Variants in FBXL7 observed in about 807,000 individuals in gnomAD.
FBXL7 encodes the protein F-box/LRR-repeat protein 7.
In FBXL7, 12 loss-of-function variants were observed where a neutral mutation model predicts 38.3. The ratio of observed to expected loss-of-function variants is 0.31; its 90% CI spans 0.20 to 0.51. The LOEUF (loss-of-function observed/expected upper bound fraction) is 0.51, where lower values mean the gene tolerates loss of function less well. FBXL7 is among the 20% of genes least tolerant of loss of function. FBXL7 has a pLI of 0.98. For missense variants in FBXL7, 567 were observed against 676.4 expected, an observed-to-expected ratio of 0.84 and a Z score of 1.79; for synonymous variants, 297 against 300.9, an observed-to-expected ratio of 0.99 and a Z score of 0.13.
chr5:15,505,834 C>A (rs1649199209), intron 1 of FBXL7, among the ~76,000 whole-genome samples: 1 of 152,126 alleles, frequency 6.6e-6, no homozygotes, highest in Admixed American at 6.5e-5. Context: ...ATTCAAGTGT[C>A]CCCCACATCC....
At chr5:15,737,386 A>G (rs1320077966) in intron 2 of FBXL7, among the ~76,000 whole-genome samples, 1 of 152,218 alleles carries the variant, frequency 6.6e-6, no homozygotes, top group Non-Finnish European at 1.5e-5. Flanking sequence ...TCAGATCTAT[A>G]AAATTACAAA....
intron 2 of FBXL7, among the ~76,000 whole-genome samples, chr5:15,897,816 G>GT (rs1561180793): frequency 6.6e-6 from 1 of 152,168 alleles, no homozygotes; most frequent in African/African-American, 2.4e-5. Flanking sequence ...AAGATGTTGC[G>GT]TAAGGGATCA....
intron 2 of FBXL7, among the ~76,000 whole-genome samples, chr5:15,884,041 T>C (rs554783174): frequency 1.3e-5 from 2 of 152,242 alleles, no homozygotes; most frequent in South Asian, 2.1e-4. Context: ...ACACACTTAA[T>C]AGAAATTTAC....
chr5:15,793,809 A>G (rs2126733761), intron 2 of FBXL7, among the ~76,000 whole-genome samples: 1 of 152,172 alleles, frequency 6.6e-6, no homozygotes, highest in African/African-American at 2.4e-5. Context: ...TGAATTTGAT[A>G]TCTGCCCTGA....
chr5:15,700,039 A>G (rs1743473341), intron 2 of FBXL7, among the ~76,000 whole-genome samples: 1 of 152,214 alleles, frequency 6.6e-6, no homozygotes, highest in Non-Finnish European at 1.5e-5. Context: ...TTTTAAGGAA[A>G]ACTAAAGCTC....
Position 15,937,266 on chromosome 5 carries a change from C to T in FBXL7, c.*80C>T, listed in dbSNP as rs1217350237. 1 of 1,415,320 alleles carries T rather than the reference C, an allele frequency of 7.1e-7. No homozygotes were observed. Among genetic ancestry groups the T allele is most frequent in the Non-Finnish European group, 9.3e-7 (1 of 1,077,086 alleles). 87.7% of individuals were successfully genotyped at this position (1,415,320 alleles called of 1,614,324 possible). A position where few individuals can be genotyped will look rare whatever the true frequency, so the allele number is the denominator to read the frequency against. ...TTTTAAAAGCAGCGTATGTAAGCAC[C>T]GACACCCACTCAAAACAGCTCTTTC... On this transcript the variant is annotated 3_prime_UTR_variant, in exon 4 of 4. Transcript: ENST00000504595.
At chr5:15,643,981 C>T (rs1009960631) in intron 2 of FBXL7, among the ~76,000 whole-genome samples, 6 of 152,086 alleles carry the variant, frequency 3.9e-5, no homozygotes, top group Non-Finnish European at 7.4e-5. Context: ...TGTTTTGGCA[C>T]TTCGTACTTT....
intron 2 of FBXL7, among the ~76,000 whole-genome samples, chr5:15,711,964 T>A (rs897983541): frequency 2.0e-5 from 3 of 152,142 alleles, no homozygotes; most frequent in Admixed American, 6.5e-5. Context: ...AATAAATAGC[T>A]TATATAAATG....
At chr5:15,646,150 T>C (rs1741527750) in intron 2 of FBXL7, among the ~76,000 whole-genome samples, 1 of 152,212 alleles carries the variant, frequency 6.6e-6, no homozygotes, top group Non-Finnish European at 1.5e-5. Context: ...AAATTGAATA[T>C]ATTAGTTTGG....
Position 15,761,664 on chromosome 5 carries a change from C to T in FBXL7, c.127+145592C>T, listed in dbSNP as rs560131163. Among the ~76,000 whole-genome samples the T allele has an allele frequency of 7.6e-4, 116 of 152,284 alleles. 1 individual carries two copies. Among genetic ancestry groups the T allele is most frequent in the Middle Eastern group, 3.4e-3 (1 of 294 alleles). ...GCTCAGGTGATTCTCCCACCTCAGC[C>T]TCCCAAGTAGCTGGGACTGTAGGTG... On this transcript the variant is annotated intron_variant, in intron 2 of 3. Transcript: ENST00000504595.
chr5:15,620,513 G>T (rs143176731), intron 2 of FBXL7, among the ~76,000 whole-genome samples: 1 of 151,290 alleles, frequency 6.6e-6, no homozygotes, highest in Non-Finnish European at 1.5e-5. Flanking sequence ...GCCTCCTAAA[G>T]TGCTGTTATT....
intron 1 of FBXL7, among the ~76,000 whole-genome samples, chr5:15,505,917 C>T (rs916864145): frequency 5.3e-5 from 8 of 152,130 alleles, no homozygotes; most frequent in African/African-American, 1.7e-4. Flanking sequence ...TGCAGTCAGT[C>T]GGAACGTTTC....
At chr5:15,815,869 T>G (rs1018838852) in intron 2 of FBXL7, among the ~76,000 whole-genome samples, 1 of 152,180 alleles carries the variant, frequency 6.6e-6, no homozygotes, top group African/African-American at 2.4e-5. Context: ...GTAGTATGTT[T>G]CATTTCAAAC....
chr5:15,884,090 C>T (rs1259953529), intron 2 of FBXL7, among the ~76,000 whole-genome samples: 2 of 152,122 alleles, frequency 1.3e-5, no homozygotes, highest in Non-Finnish European at 2.9e-5. Context: ...GATCAAAGTA[C>T]CAGCAAGGTA....
At chr5:15,569,520 A>G (rs1312039711) in intron 1 of FBXL7, among the ~76,000 whole-genome samples, 24 of 151,446 alleles carry the variant, frequency 1.6e-4, no homozygotes, top group African/African-American at 5.1e-4. Context: ...TAGATATACA[A>G]TCATGTCATC....
chr5:15,927,911 C>G lies in FBXL7; in HGVS notation c.149C>G (p.Thr50Arg). The G allele has an allele frequency of 6.5e-7, 1 of 1,532,404 alleles. No homozygotes were observed. Among genetic ancestry groups the G allele is most frequent in the Non-Finnish European group, 8.8e-7 (1 of 1,139,858 alleles). 94.9% of individuals were successfully genotyped at this position (1,532,404 alleles called of 1,614,324 possible). A position where few individuals can be genotyped will look rare whatever the true frequency, so the allele number is the denominator to read the frequency against. The part of the protein sequence containing the change: ...TSEDSDLSMR[T>R]LSTPSPALIC... ...CCAGACTCCGACCTGAGCATGCGCA[C>G]ACTGAGCACGCCCAGCCCAGCCCTG... The change falls in exon 3 of 4, where the codon ACA becomes AGA. Residue 50 changes from threonine to arginine, a missense_variant. Thr to Arg is a moderately conservative substitution (Grantham distance 71, BLOSUM62 -1). Transcript: ENST00000504595.
chr5:15,920,183 G>A (rs1741701110), intron 2 of FBXL7, among the ~76,000 whole-genome samples: 1 of 152,110 alleles, frequency 6.6e-6, no homozygotes, highest in Admixed American at 6.5e-5. Flanking sequence ...CTTGAACCCA[G>A]GAGGCGGAGG....
At chr5:15,510,541 G>A (rs1032695923) in intron 1 of FBXL7, among the ~76,000 whole-genome samples, 1 of 152,142 alleles carries the variant, frequency 6.6e-6, no homozygotes, top group African/African-American at 2.4e-5. Context: ...AAGAAGGTAT[G>A]CAGCTGAGGG....
At chr5:15,688,481 C>T (rs185182197) in intron 2 of FBXL7, among the ~76,000 whole-genome samples, 13 of 152,162 alleles carry the variant, frequency 8.5e-5, no homozygotes, top group Admixed American at 3.3e-4. Context: ...CTTAGCCATC[C>T]GGTAACACAA....
Sources: allele counts gnomAD v4.1 joint callset (sites outside exome capture counted in the v4.1 genomes callset), GRCh38; gene constraint gnomAD v4.1.1; transcripts MANE v1.5; gene names NCBI Gene and HGNC (gene_info 2026-07-23, HGNC 2026-07-21).